Variants in GABRA3 observed in about 807,000 individuals in gnomAD.
GABRA3 encodes the protein gamma-aminobutyric acid receptor subunit alpha-3.
A neutral mutation model predicts 30.1 loss-of-function variants in GABRA3; 10 were observed. The observed-to-expected ratio is 0.33, with a 90% CI of 0.20 to 0.56. The LOEUF (loss-of-function observed/expected upper bound fraction) is 0.56, where lower values mean the gene tolerates loss of function less well. GABRA3 is among the 20% of genes least tolerant of loss of function. The pLI, the probability that GABRA3 is intolerant of heterozygous loss-of-function variation, is 0.89. For synonymous variants in GABRA3, 151 were observed against 146.8 expected, an observed-to-expected ratio of 1.03 and a Z score of -0.21; for missense variants, 233 against 392.0, an observed-to-expected ratio of 0.59 and a Z score of 3.42.
intron 1 of GABRA3, among the ~76,000 whole-genome samples, chrX:152,399,182 G>A (rs189494264): frequency 8.1e-5 from 9 of 111,533 alleles, no homozygotes; most frequent in Non-Finnish European, 1.7e-4. Flanking sequence ...ACTCAGGCTA[G>A]GTGAGTATAA....
chrX:152,303,157 T>A (rs1028619276), intron 3 of GABRA3, among the ~76,000 whole-genome samples: 1 of 112,328 alleles, frequency 8.9e-6, no homozygotes, highest in South Asian at 3.7e-4. Context: ...TTTCCAGACA[T>A]CTTTCCACAG....
At chrX:152,211,799 G>T (rs1937630981) in intron 6 of GABRA3, among the ~76,000 whole-genome samples, 1 of 111,514 alleles carries the variant, frequency 9.0e-6, no homozygotes, top group African/African-American at 3.3e-5. Flanking sequence ...TCAGAGTGGG[G>T]TGTTACAGAA....
chrX:152,239,406 T>A (rs1012513360), intron 5 of GABRA3, among the ~76,000 whole-genome samples: 17 of 103,958 alleles, frequency 1.6e-4, no homozygotes, highest in African/African-American at 3.3e-4. Context: ...GGAGAGCTTT[T>A]CTTCCAACTA....
At chrX:152,345,182 T>C (rs930989909) in intron 3 of GABRA3, among the ~76,000 whole-genome samples, 2 of 111,182 alleles carry the variant, frequency 1.8e-5, no homozygotes, top group African/African-American at 6.5e-5. Flanking sequence ...ATGGGCATTG[T>C]CTAACCTTGA....
rs772174325 is a variant in GABRA3 at position 152,264,065 on chromosome X, C to T, written c.331-8067G>A. 2.7e-5 allele frequency among the ~76,000 whole-genome samples: 3 copies of T among 111,463 alleles called. 1 individual carries two copies. In the South Asian group the frequency reaches 1.1e-3, roughly 42 times the overall value. On this transcript the variant is annotated intron_variant, in intron 4 of 9. Transcript: ENST00000370314. ...GGATTTCATCACAACCAGACCTGCC[C>T]TATAGGAAATGCTAAGGGGAGTACT...
chrX:152,235,613 T>C (rs1287609684), intron 5 of GABRA3, among the ~76,000 whole-genome samples: 1 of 111,611 alleles, frequency 9.0e-6, no homozygotes, highest in Non-Finnish European at 1.9e-5. Flanking sequence ...AAGAAAATAA[T>C]CCAATTCACT....
chrX:152,236,745 G>C (rs1445797059), intron 5 of GABRA3, among the ~76,000 whole-genome samples: 3 of 102,221 alleles, frequency 2.9e-5, no homozygotes, highest in Non-Finnish European at 6.0e-5. Context: ...CTGATGGCCA[G>C]TGATGATGAG....
At chrX:152,381,691 C>A (rs1249146060) in intron 1 of GABRA3, among the ~76,000 whole-genome samples, 1 of 109,914 alleles carries the variant, frequency 9.1e-6, no homozygotes, top group Non-Finnish European at 1.9e-5. Flanking sequence ...AACACTATCC[C>A]TCCCCTAACC....
intron 2 of GABRA3, among the ~76,000 whole-genome samples, chrX:152,362,834 A>T (rs1928547085): frequency 8.9e-6 from 1 of 112,147 alleles, no homozygotes; most frequent in South Asian, 3.7e-4. Context: ...CTGGGTACAC[A>T]GTGGTACCAC....
At position 152,369,817 on chromosome X, in the gene GABRA3, A is replaced by C. The variant is rs1245079105; in HGVS notation, c.-26-5221T>G. 1.9e-4 allele frequency among the ~76,000 whole-genome samples: 21 copies of C among 111,648 alleles called. No individual in the cohort carries two copies. In the Admixed American group the frequency reaches 2.0e-3, roughly 11 times the overall value. On this transcript the variant is annotated intron_variant, in intron 1 of 9. Transcript: ENST00000370314. ...TTTGGTTTTTTTTAAATTCAAAGATATATGCCCAATGCATAGAAGAATATC... is the reference window on the plus strand; with the variant it reads ...TTTGGTTTTTTTTAAATTCAAAGATCTATGCCCAATGCATAGAAGAATATC...
chrX:152,233,776 G>C (rs1458061680), intron 5 of GABRA3, among the ~76,000 whole-genome samples: 3 of 104,227 alleles, frequency 2.9e-5, no homozygotes, highest in Admixed American at 1.1e-4. Context: ...ATTCACAATA[G>C]CAAAGACTTG....
At chrX:152,275,233 ATATATTT>A (rs1939037510) in intron 4 of GABRA3, among the ~76,000 whole-genome samples, 1 of 58,819 alleles carries the variant, frequency 1.7e-5, no homozygotes, top group African/African-American at 8.4e-5. Context: ...TATAATTTAT[ATATATTT>A]TATTATATAT....
Position 152,433,059 on chromosome X carries a change from T to C in GABRA3, c.-27+18087A>G, listed in dbSNP as rs1226717620. ...AGAAGTATAGGAGCATCTCAACAGATGAAGAAAAAAATCATGCAATGAAAT... is the reference window on the plus strand; with the variant it reads ...AGAAGTATAGGAGCATCTCAACAGACGAAGAAAAAAATCATGCAATGAAAT... On this transcript the variant is annotated intron_variant, in intron 1 of 9. Coordinates refer to ENST00000370314, the MANE Select transcript of GABRA3 (RefSeq NM_000808.4). 2.7e-5 allele frequency among the ~76,000 whole-genome samples: 3 copies of C among 111,194 alleles called. No individual in the cohort carries two copies. In the East Asian group the frequency reaches 8.5e-4, roughly 32 times the overall value.
chrX:152,241,387 G>C (rs1349448499), intron 5 of GABRA3, among the ~76,000 whole-genome samples: 3 of 101,771 alleles, frequency 2.9e-5, no homozygotes, highest in African/African-American at 6.7e-5. Flanking sequence ...TGCGTGCTGG[G>C]AGAACCACTG....
chrX:152,170,117 C>CCAAA (rs1475820096), intron 9 of GABRA3, among the ~76,000 whole-genome samples: 7 of 112,043 alleles, frequency 6.2e-5, no homozygotes, highest in African/African-American at 2.3e-4. Flanking sequence ...TGGGAGAAAG[C>CCAAA]CTTTTAAGCA....
At chrX:152,212,739 G>C (rs1249364387) in intron 6 of GABRA3, among the ~76,000 whole-genome samples, 1 of 111,774 alleles carries the variant, frequency 8.9e-6, no homozygotes, top group African/African-American at 3.3e-5. Flanking sequence ...CTTAAGAAAG[G>C]AAAAAGGACA....
chrX:152,230,425 A>T (rs1478679780), intron 5 of GABRA3, among the ~76,000 whole-genome samples: 1 of 111,254 alleles, frequency 9.0e-6, no homozygotes, highest in Non-Finnish European at 1.9e-5. Flanking sequence ...CTATATATTC[A>T]ACACATGCGC....
intron 4 of GABRA3, among the ~76,000 whole-genome samples, chrX:152,268,782 C>T (rs932341667): frequency 1.8e-5 from 2 of 111,409 alleles, no homozygotes; most frequent in Non-Finnish European, 3.8e-5. Flanking sequence ...GTTGCCCAGG[C>T]TGGTCTTGAA....
At chrX:152,411,270 G>A (rs966671843) in intron 1 of GABRA3, among the ~76,000 whole-genome samples, 11 of 111,217 alleles carry the variant, frequency 9.9e-5, no homozygotes, top group Non-Finnish European at 1.7e-4. Flanking sequence ...AGCCATGATC[G>A]TGCCACTGAA....
Sources: allele counts gnomAD v4.1 joint callset (sites outside exome capture counted in the v4.1 genomes callset), GRCh38; gene constraint gnomAD v4.1.1; transcripts MANE v1.5; gene names NCBI Gene and HGNC (gene_info 2026-07-23, HGNC 2026-07-21).